OPHN1: variants seen among roughly 807,000 people sequenced by gnomAD.
OPHN1 encodes the protein oligophrenin 1.
In OPHN1, 11 loss-of-function variants were observed where a neutral mutation model predicts 60.7. The ratio of observed to expected loss-of-function variants is 0.18; its 90% confidence interval spans 0.11 to 0.30. The LOEUF is 0.30. Ranked by LOEUF, OPHN1 falls within the 10% of genes least tolerant of loss-of-function variation. The pLI, the probability that OPHN1 is intolerant of heterozygous loss-of-function variation, is 1.00. For missense variants in OPHN1, 449 were observed against 611.0 expected (o/e 0.73, Z 2.80); for synonymous variants, 226 against 222.6 (o/e 1.02, Z -0.14).
At chrX:68,321,645 G>A (rs746130163) in intron 2 of OPHN1, among the ~76,000 whole-genome samples, 8 of 112,114 alleles carry the variant, frequency 7.1e-5, no homozygotes, top group Non-Finnish European at 1.5e-4. Flanking sequence ...ATAACAGGCT[G>A]GGCATAACAC....
rs1414178568 is a variant in OPHN1 at position 68,045,543 on chromosome X, C to G, written c.*1629G>C. The G allele has an allele frequency of 8.9e-6, 1 of 111,781 alleles. No individual in the cohort carries two copies. The allele number at this position is 111,781 out of a possible 1,213,427, so 9.2% of individuals were successfully genotyped here. A position where few individuals can be genotyped will look rare whatever the true frequency, so the allele number is the denominator to read the frequency against. On this transcript the variant is annotated 3_prime_UTR_variant, in exon 25 of 25. Coordinates refer to ENST00000355520, the MANE Select transcript of OPHN1 (RefSeq NM_002547.3). The stretch of plus-strand genomic sequence containing the variant: ...GAGTGCAAGTAGGAAAGCTCTTTCC[C>G]TCACACTGGGCAACATTATAATTAT...
chrX:68,331,624 G>A (rs1287232136), intron 2 of OPHN1, among the ~76,000 whole-genome samples: 19 of 108,182 alleles, frequency 1.8e-4, no homozygotes, highest in African/African-American at 6.1e-4. Context: ...CCAACTACCT[G>A]GGAAGCTGAA....
At chrX:68,227,345 C>T (rs1463271189) in intron 6 of OPHN1, among the ~76,000 whole-genome samples, 1 of 110,800 alleles carries the variant, frequency 9.0e-6, no homozygotes, top group Non-Finnish European at 1.9e-5. Flanking sequence ...TTAAACAGAT[C>T]AACGAGACAG....
intron 6 of OPHN1, among the ~76,000 whole-genome samples, chrX:68,226,904 C>T (rs1193867035): frequency 9.0e-6 from 1 of 111,583 alleles, no homozygotes; most frequent in Non-Finnish European, 1.9e-5. Flanking sequence ...TGTAAATGGG[C>T]TAAATGCTCC....
intron 15 of OPHN1, among the ~76,000 whole-genome samples, chrX:68,188,490 T>G (rs980918039): frequency 2.7e-4 from 30 of 112,165 alleles, no homozygotes; most frequent in African/African-American, 9.4e-4. Context: ...ATATAAAATC[T>G]ATTTATGACA....
intron 15 of OPHN1, among the ~76,000 whole-genome samples, chrX:68,180,921 T>C (rs901473531): frequency 9.1e-6 from 1 of 109,727 alleles, no homozygotes; most frequent in Non-Finnish European, 1.9e-5. Context: ...AAATGACTGA[T>C]ACTCTTCAAA....
chrX:68,282,935 A>G, intron 4 of OPHN1, 121 bp downstream of exon 4: 2 of 531,536 alleles, frequency 3.8e-6, no homozygotes, highest in South Asian at 5.6e-5. Flanking sequence ...CTATTTTTAT[A>G]GCACCAAGAA....
chrX:68,286,065 G>A (rs1229370544), intron 3 of OPHN1, among the ~76,000 whole-genome samples: 5 of 110,504 alleles, frequency 4.5e-5, no homozygotes, highest in Non-Finnish European at 9.5e-5. Flanking sequence ...TTTTTCCCTT[G>A]TTCAAGGGTC....
chrX:68,221,692 T>C (rs1290671091), intron 6 of OPHN1, among the ~76,000 whole-genome samples: 1 of 95,900 alleles, frequency 1.0e-5, no homozygotes, highest in Non-Finnish European at 2.1e-5. Flanking sequence ...ATTCCCTATT[T>C]AATAAATGGT....
intron 5 of OPHN1, among the ~76,000 whole-genome samples, chrX:68,240,158 A>G (rs1322263738): frequency 8.9e-5 from 10 of 112,397 alleles, no homozygotes; most frequent in Admixed American, 8.5e-4. Flanking sequence ...ACTGGGTTAA[A>G]CAATAGTAGA....
chrX:68,136,194 T>C (rs1324196646), intron 15 of OPHN1, among the ~76,000 whole-genome samples: 3 of 110,312 alleles, frequency 2.7e-5, no homozygotes, highest in East Asian at 5.6e-4. Context: ...TGTGTGTGTG[T>C]ATAACAAAGA....
chrX:68,241,408 C>T (rs1602264301), intron 5 of OPHN1, among the ~76,000 whole-genome samples: 3 of 111,484 alleles, frequency 2.7e-5, no homozygotes, highest in African/African-American at 9.8e-5. Context: ...TAAAAACAAA[C>T]TAAATTATAA....
intron 2 of OPHN1, among the ~76,000 whole-genome samples, chrX:68,316,585 T>G (rs2078200427): frequency 9.0e-6 from 1 of 111,394 alleles, no homozygotes; most frequent in Non-Finnish European, 1.9e-5. Context: ...CTCTCTTTCT[T>G]TGCCTTTCCC....
rs764608956 is a variant in OPHN1 at position 68,096,887 on chromosome X, T to C, written c.1669A>G (p.Ile557Val). The change falls in exon 19 of 25, where the codon ATC becomes GTC. Residue 557 changes from isoleucine (I) to valine (V), a missense_variant. Ile to Val is a conservative substitution (Grantham distance 29, BLOSUM62 3). Around this residue, in one of 4 missense-constraint regions of OPHN1, gnomAD observed 166 missense variants for 278.4 expected, o/e 0.60. Transcript: ENST00000355520. Reference sequence around the variant, plus strand: ...ATGCATACCTTGCCAAAGTGCTCGATTAGTATTTCCACCACTATGTTCTGG... The same window carrying C: ...ATGCATACCTTGCCAAAGTGCTCGACTAGTATTTCCACCACTATGTTCTGG... ...KFQNIVVEIL[I>V]EHFGKIYLGP... 1.8e-5 allele frequency: 22 copies of C among 1,208,615 alleles called. No individual in the cohort carries two copies. Among genetic ancestry groups the C allele is most frequent in the Non-Finnish European group, 2.3e-5 (21 of 894,645 alleles).
At chrX:68,077,509 T>G (rs1458405322) in intron 19 of OPHN1, among the ~76,000 whole-genome samples, 2 of 112,422 alleles carry the variant, frequency 1.8e-5, no homozygotes, top group Admixed American at 1.9e-4. Flanking sequence ...GTGATGTAGA[T>G]TTGTAAGAAC....
chrX:68,065,330 T>C (rs1244838313), intron 20 of OPHN1, among the ~76,000 whole-genome samples: 2 of 111,471 alleles, frequency 1.8e-5, no homozygotes, highest in Non-Finnish European at 3.8e-5. Context: ...ATTTTAAGTA[T>C]GATGATGATA....
intron 2 of OPHN1, among the ~76,000 whole-genome samples, chrX:68,331,662 C>A (rs2078295514): frequency 9.5e-6 from 1 of 104,827 alleles, no homozygotes; most frequent in African/African-American, 3.5e-5. Flanking sequence ...ATCCACCAGA[C>A]ACAGGTTGCA....
At chrX:68,049,297 TAAC>T (rs1362081034) in intron 23 of OPHN1, among the ~76,000 whole-genome samples, 2 of 112,126 alleles carry the variant, frequency 1.8e-5, no homozygotes, top group Admixed American at 9.4e-5. Context: ...TGTATAAATT[TAAC>T]AACTGTGTCT....
chrX:68,097,008 C>A lies in OPHN1; in HGVS notation c.1548G>T (p.Glu516Asp), dbSNP rs2077040830. Residue 516 changes from glutamate (E) to aspartate (D), a missense_variant, in exon 19 of 25, where the codon GAG becomes GAT. Around this residue, in one of 4 missense-constraint regions of OPHN1, gnomAD observed 166 missense variants for 278.4 expected, o/e 0.60. Coordinates refer to ENST00000355520, the MANE Select transcript of OPHN1 (RefSeq NM_002547.3). ...CCATGTTGGAGGGGGTCATAAGATT[C>A]TCTTTGCTGTGCTCACACACACTGC... ...HLVNVCEHSK[E>D]NLMTPSNMGV... 3.3e-6 allele frequency: 4 copies of A among 1,208,880 alleles called. No homozygotes were observed. The highest frequency in any genetic ancestry group is 4.5e-6 in the Non-Finnish European group (4 of 894,036).
Sources: allele counts gnomAD v4.1 joint callset (sites outside exome capture counted in the v4.1 genomes callset), GRCh38; gene constraint gnomAD v4.1.1; regional missense constraint gnomAD v4.1.1; transcripts MANE v1.5; gene names NCBI Gene and HGNC (gene_info 2026-07-23, HGNC 2026-07-21).